The following ABHD6 variants were observed in gnomAD, a reference collection of about 807,000 sequenced individuals.
ABHD6 encodes monoacylglycerol lipase ABHD6.
In ABHD6, 33 loss-of-function variants were observed where a neutral mutation model predicts 38.8. That is an observed-to-expected ratio of 0.85 (90% CI 0.64 to 1.14). ABHD6 has a LOEUF of 1.14. Ranked by LOEUF, ABHD6 falls within the 50% of genes most tolerant of loss-of-function variation. The pLI, the probability that ABHD6 is intolerant of heterozygous loss-of-function variation, is 0.00. For missense variants in ABHD6, 380 were observed against 422.6 expected, an observed-to-expected ratio of 0.90 and a Z score of 0.88; for synonymous variants, 147 against 161.6, an observed-to-expected ratio of 0.91 and a Z score of 0.69.
intron 3 of ABHD6, among the ~76,000 whole-genome samples, chr3:58,261,053 G>A (rs1405474738): frequency 2.0e-5 from 3 of 152,126 alleles, no homozygotes; most frequent in South Asian, 2.1e-4. Context: ...TGGCCACTGC[G>A]GATGACATCA....
Position 58,286,849 on chromosome 3 carries a change from T to C in ABHD6, c.837+1396T>C, listed in dbSNP as rs200767526. Among the ~76,000 whole-genome samples, 615 of 37,260 alleles carry C rather than the reference T, an allele frequency of 0.017. 20 individuals carry two copies. In the East Asian group the frequency reaches 0.17, roughly 10 times the overall value. 24.4% of individuals were successfully genotyped at this position (37,260 alleles called of 152,430 possible). ...GTGTGTGTGTGTGTGTGTGTGTGTG[T>C]GTGTATATATATATATATATGTATA... On this transcript the variant is annotated intron_variant, in intron 9 of 9. Transcript: ENST00000478253.
At chr3:58,271,579 AT>A (rs1243882773) in intron 6 of ABHD6, among the ~76,000 whole-genome samples, 1 of 152,040 alleles carries the variant, frequency 6.6e-6, no homozygotes, top group Non-Finnish European at 1.5e-5. Flanking sequence ...CTTAAAAAAA[AT>A]CCAGCTTTAG....
At chr3:58,286,890 G>GTATATATATATATA (rs1553721778) in intron 9 of ABHD6, among the ~76,000 whole-genome samples, 1 of 57,188 alleles carries the variant, frequency 1.7e-5, no homozygotes, top group Non-Finnish European at 3.6e-5. Flanking sequence ...ATATAAGTAG[G>GTATATATATATATA]TATCTTGGAA....
chr3:58,285,582 AC>A lies in ABHD6; in HGVS notation c.837+131del. 1.3e-6 allele frequency: 1 copy of A among 785,478 alleles called. No homozygotes were observed. Among genetic ancestry groups the A allele is most frequent in the South Asian group, 1.7e-5 (1 of 60,436 alleles). 48.7% of individuals were successfully genotyped at this position (785,478 alleles called of 1,614,324 possible). A position where few individuals can be genotyped will look rare whatever the true frequency, so the allele number is the denominator to read the frequency against. On this transcript the variant is annotated intron_variant, in intron 9 of 9. Coordinates refer to ENST00000478253, the MANE Select transcript of ABHD6 (RefSeq NM_001320126.2). This position sits in a 1 kb window ranked among gnomAD's most constrained non-coding sequence, Gnocchi z 4.9. Reference sequence around the variant, plus strand: ...CTGCTGTCAGGAAGAGGGGGAAGGCACCTGTGTTGGGTGCCAGTGTTGACAG... The same window carrying A: ...CTGCTGTCAGGAAGAGGGGGAAGGCACTGTGTTGGGTGCCAGTGTTGACAG...
chr3:58,270,894 G>C (rs1013821361), intron 5 of ABHD6, 38 bp from the exon 6 acceptor site: 37 of 1,574,088 alleles, frequency 2.4e-5, no homozygotes, highest in Non-Finnish European at 2.9e-5. Flanking sequence ...ATTGTCTACA[G>C]CTGTATAACC....
At chr3:58,239,788 T>G (rs1472551039) in intron 1 of ABHD6, among the ~76,000 whole-genome samples, 2 of 151,694 alleles carry the variant, frequency 1.3e-5, no homozygotes, top group African/African-American at 2.4e-5. Context: ...TTGGGTGAGG[T>G]CTATCCTGGG....
At chr3:58,283,686 G>A (rs1456758981) in intron 7 of ABHD6, among the ~76,000 whole-genome samples, 2 of 152,194 alleles carry the variant, frequency 1.3e-5, no homozygotes, top group Non-Finnish European at 2.9e-5. Flanking sequence ...GGATGGATGG[G>A]AGGATATCTG....
Position 58,269,270 on chromosome 3 carries a change from A to G in ABHD6, c.277-51A>G. The G allele has an allele frequency of 7.0e-7, 1 of 1,427,916 alleles. No homozygotes were observed. Among genetic ancestry groups the G allele is most frequent in the South Asian group, 1.2e-5 (1 of 85,524 alleles). The allele number at this position is 1,427,916 out of a possible 1,614,324, so 88.5% of individuals were successfully genotyped here. On this transcript the variant is annotated intron_variant, in intron 4 of 9. Coordinates refer to ENST00000478253, the MANE Select transcript of ABHD6 (RefSeq NM_001320126.2). This position sits in a 1 kb window ranked among gnomAD's most constrained non-coding sequence, Gnocchi z 4.4. The stretch of plus-strand genomic sequence containing the variant: ...GGGGCAACCTCCCAAGAAAATGGGC[A>G]GACATGTTTTGCACACCACATACTG...
intron 2 of ABHD6, among the ~76,000 whole-genome samples, chr3:58,253,912 A>G (rs1219724466): frequency 2.0e-5 from 3 of 152,180 alleles, no homozygotes; most frequent in African/African-American, 7.2e-5. Flanking sequence ...AATGAAAAGA[A>G]CCATCTAACC....
intron 7 of ABHD6, among the ~76,000 whole-genome samples, chr3:58,276,217 T>C (rs1300095538): frequency 6.6e-6 from 1 of 152,230 alleles, no homozygotes; most frequent in Non-Finnish European, 1.5e-5. Context: ...GTTGAACTAC[T>C]TTACACTCCC....
In ABHD6 at chr3:58,251,658, G is replaced by A. The variant is rs1284962121; in HGVS notation, c.-26+1716G>A. ...ATGCACAGCTTGGGTGTTGAGCAGT[G>A]GCAGAGGATCCTGAGCCTGGGATGT... On this transcript the variant is annotated intron_variant, in intron 2 of 9. Coordinates refer to ENST00000478253, the MANE Select transcript of ABHD6 (RefSeq NM_001320126.2). The surrounding 1 kb of genome is among the most constrained non-coding windows in gnomAD (Gnocchi z 5.4). Among the ~76,000 whole-genome samples the A allele has an allele frequency of 1.3e-5, 2 of 152,192 alleles. No individual in the cohort carries two copies. Among genetic ancestry groups the A allele is most frequent in the Non-Finnish European group, 2.9e-5 (2 of 68,036 alleles).
At chr3:58,274,624 G>A in intron 6 of ABHD6, 34 bp from the exon 7 acceptor site, 1 of 1,601,560 alleles carries the variant, frequency 6.2e-7, no homozygotes, top group Non-Finnish European at 8.5e-7. Flanking sequence ...GAAGGTGGAT[G>A]TATCATCAAG....
chr3:58,241,419 T>C (rs1032111288), intron 1 of ABHD6, among the ~76,000 whole-genome samples: 8 of 152,152 alleles, frequency 5.3e-5, no homozygotes, highest in African/African-American at 1.7e-4. Flanking sequence ...TCTGGTGCTG[T>C]ACCAAGGAAA....
chr3:58,241,049 A>G lies in ABHD6; in HGVS notation c.-91+3133A>G, dbSNP rs562517187. 2.9e-3 allele frequency among the ~76,000 whole-genome samples: 442 copies of G among 152,090 alleles called. 3 individuals carry two copies. Among genetic ancestry groups the G allele is most frequent in the African/African-American group, 9.6e-3 (400 of 41,492 alleles). ...CCGGCCAAACCTGGATAATTTTGAA[A>G]TTTTGTTGTTGTTGTTGGTTGTCAC... On this transcript the variant is annotated intron_variant, in intron 1 of 9. Coordinates refer to ENST00000478253, the MANE Select transcript of ABHD6 (RefSeq NM_001320126.2).
rs2097443430 is a variant in ABHD6 at position 58,269,659 on chromosome 3, G to A, written c.390+225G>A. On this transcript the variant is annotated intron_variant, in intron 5 of 9. Coordinates refer to ENST00000478253, the MANE Select transcript of ABHD6 (RefSeq NM_001320126.2). The surrounding 1 kb of genome is among the most constrained non-coding windows in gnomAD (Gnocchi z 4.4). ...TAAGCCTATTGCAGTTGTTTGTAACGAAATACAATCTGAGCATTTTCTCAA... is the reference window on the plus strand; with the variant it reads ...TAAGCCTATTGCAGTTGTTTGTAACAAAATACAATCTGAGCATTTTCTCAA... Among the ~76,000 whole-genome samples, 1 of 152,310 alleles carries A rather than the reference G, an allele frequency of 6.6e-6. No individual in the cohort carries two copies. The highest frequency in any genetic ancestry group is 1.9e-4 in the East Asian group (1 of 5,188).
Position 58,267,423 on chromosome 3 carries a change from G to T in ABHD6, c.276+78G>T. The T allele has an allele frequency of 1.9e-6, 3 of 1,553,928 alleles. No individual in the cohort carries two copies. Among genetic ancestry groups the T allele is most frequent in the East Asian group, 2.3e-5 (1 of 43,200 alleles). On this transcript the variant is annotated intron_variant, in intron 4 of 9. Coordinates refer to ENST00000478253, the MANE Select transcript of ABHD6 (RefSeq NM_001320126.2). The surrounding 1 kb of genome is among the most constrained non-coding windows in gnomAD (Gnocchi z 4.3). ...CTCATGCCTATAATCCCAGCACTTT[G>T]GGAGCCTGAGGCAGGAGGATTGCTT...
In ABHD6 at chr3:58,265,315, T is replaced by C. The variant is rs1239043742; in HGVS notation, c.120-1874T>C. On this transcript the variant is annotated intron_variant, in intron 3 of 9. Transcript: ENST00000478253. This position sits in a 1 kb window ranked among gnomAD's most constrained non-coding sequence, Gnocchi z 4.2. ...CTCTAAGGTACCTTTTCATTTATTT[T>C]GCCTAGTGTTGAATTAGGGTTTTAG... 4.6e-5 allele frequency among the ~76,000 whole-genome samples: 7 copies of C among 152,220 alleles called. No individual in the cohort carries two copies. The highest frequency in any genetic ancestry group is 1.0e-4 in the Non-Finnish European group (7 of 68,038).
chr3:58,253,372 TC>T (rs1322997937), intron 2 of ABHD6, among the ~76,000 whole-genome samples: 3 of 152,170 alleles, frequency 2.0e-5, no homozygotes, highest in Non-Finnish European at 4.4e-5. Flanking sequence ...AGCTGACAGT[TC>T]CCATCTGTGT....
At position 58,287,715 on chromosome 3, in the gene ABHD6, G is replaced by C. The variant is rs116311535; in HGVS notation, c.837+2262G>C. On this transcript the variant is annotated intron_variant, in intron 9 of 9. Transcript: ENST00000478253. The surrounding 1 kb of genome is among the most constrained non-coding windows in gnomAD (Gnocchi z 4.7). ...GGCTCTCAGGAGCCAACAGGGAGAGGCTGTAACCCATCTTCCTGTGGAGAC... is the reference window on the plus strand; with the variant it reads ...GGCTCTCAGGAGCCAACAGGGAGAGCCTGTAACCCATCTTCCTGTGGAGAC... Among the ~76,000 whole-genome samples, 1,417 of 152,308 alleles carry C rather than the reference G, an allele frequency of 9.3e-3. 20 individuals carry two copies. Among genetic ancestry groups the C allele is most frequent in the African/African-American group, 0.029 (1,216 of 41,562 alleles).
Sources: allele counts gnomAD v4.1 joint callset (sites outside exome capture counted in the v4.1 genomes callset), GRCh38; gene constraint gnomAD v4.1.1; non-coding constraint Gnocchi (gnomAD v3.1); transcripts MANE v1.5; gene names NCBI Gene and HGNC (gene_info 2026-07-23, HGNC 2026-07-21).